INPP4B: variants seen among roughly 807,000 people sequenced by gnomAD.
INPP4B encodes inositol polyphosphate 4-phosphatase type II.
A neutral mutation model predicts 122.5 loss-of-function variants in INPP4B; 55 were observed. That is an observed-to-expected ratio of 0.45 (90% CI 0.36 to 0.56). The LOEUF (loss-of-function observed/expected upper bound fraction) is 0.56, where lower values mean the gene tolerates loss of function less well. INPP4B is among the 20% of genes least tolerant of loss of function. INPP4B has a pLI of 0.00. For missense variants in INPP4B, 1,000 were observed against 1,097.7 expected (o/e 0.91, Z 1.26); for synonymous variants, 403 against 388.7 (o/e 1.04, Z -0.43).
chr4:142,496,472 T>G (rs2149801640), intron 2 of INPP4B, among the ~76,000 whole-genome samples: 1 of 152,306 alleles, frequency 6.6e-6, no homozygotes, highest in South Asian at 2.1e-4. Flanking sequence ...CACATATTTT[T>G]ATCTTTAGTA....
At chr4:142,395,377 G>C (rs2029410) in intron 7 of INPP4B, among the ~76,000 whole-genome samples, 148,737 of 152,308 alleles carry the variant, frequency 0.98, 72,736 homozygotes, top group Middle Eastern at 1. Flanking sequence ...ACTGTTACCC[G>C]CATTCTAACA....
At chr4:142,046,233 G>A (rs1431560507) in intron 25 of INPP4B, among the ~76,000 whole-genome samples, 3 of 152,082 alleles carry the variant, frequency 2.0e-5, no homozygotes, top group African/African-American at 7.2e-5. Flanking sequence ...TAAGGAACAA[G>A]TTTGACAAGA....
intron 7 of INPP4B, among the ~76,000 whole-genome samples, chr4:142,396,963 T>C (rs1799572816): frequency 6.6e-6 from 1 of 152,156 alleles, no homozygotes; most frequent in Non-Finnish European, 1.5e-5. Flanking sequence ...GAAGGGAACT[T>C]TCTAGAAAAA....
chr4:142,291,884 A>G lies in INPP4B; in HGVS notation c.503+13574T>C, dbSNP rs184960205. On this transcript the variant is annotated intron_variant, in intron 9 of 25. Transcript: ENST00000262992. ...TGACTAGCATTTTTGGACTCAAATAATTTAAAGGCATTACAAAGACAATCT... is the reference window on the plus strand; with the variant it reads ...TGACTAGCATTTTTGGACTCAAATAGTTTAAAGGCATTACAAAGACAATCT... Among the ~76,000 whole-genome samples, 182 of 152,342 alleles carry G rather than the reference A, an allele frequency of 1.2e-3. 4 individuals carry two copies. The highest frequency in any genetic ancestry group is 4.4e-4 in the Non-Finnish European group (30 of 68,028).
In INPP4B at chr4:142,028,862, C is replaced by T. The variant is rs1354348566; in HGVS notation, c.2695G>A (p.Ala899Thr). The change falls in exon 26 of 26, where the codon GCT (alanine) becomes ACT (threonine). Residue 899 changes from alanine (A) to threonine (T), a missense_variant. Ala to Thr is a moderately conservative substitution (Grantham distance 58). Transcript: ENST00000262992. The part of the protein sequence containing the change: ...VLKNIKCRKY[A>T]FNMLQLMAFP... ...GCCATCAGCTGTAGCATGTTGAAAG[C>T]ATACTTTCTGCATTTGATATTCTTC... The T allele has an allele frequency of 6.8e-6, 11 of 1,613,418 alleles. No homozygotes were observed. Among genetic ancestry groups the T allele is most frequent in the African/African-American group, 1.3e-5 (1 of 74,902 alleles).
intron 11 of INPP4B, 139 bp downstream of exon 11, chr4:142,260,347 CCGCATT>C (rs1489962354): frequency 2.8e-5 from 18 of 654,190 alleles, no homozygotes; most frequent in Non-Finnish European, 5.0e-5. Flanking sequence ...TACAATCTCC[CCGCATT>C]CTGCTGGCCC....
intron 16 of INPP4B, among the ~76,000 whole-genome samples, chr4:142,163,191 TGAAAAAAAAGAA>T (rs1820981174): frequency 6.6e-6 from 1 of 151,542 alleles, no homozygotes; most frequent in African/African-American, 2.4e-5. Flanking sequence ...AAATATTAAG[TGAAAAAAAAGAA>T]GAAAGAAAAA....
chr4:142,702,256 T>C (rs775329312), intron 2 of INPP4B, among the ~76,000 whole-genome samples: 2 of 152,160 alleles, frequency 1.3e-5, no homozygotes, highest in African/African-American at 4.8e-5. Context: ...AGACTCCATA[T>C]AGGCACTGGG....
intron 7 of INPP4B, among the ~76,000 whole-genome samples, chr4:142,351,944 C>T (rs996445855): frequency 6.6e-6 from 1 of 151,924 alleles, no homozygotes; most frequent in Non-Finnish European, 1.5e-5. Flanking sequence ...ACTGAAAAAG[C>T]AAAAGCAAAA....
chr4:142,138,910 A>G (rs1806192437), intron 18 of INPP4B, among the ~76,000 whole-genome samples: 2 of 152,216 alleles, frequency 1.3e-5, no homozygotes, highest in South Asian at 4.1e-4. Context: ...AGTAATCCTC[A>G]TGCCTCAAGG....
chr4:142,794,462 C>G (rs1776964405), intron 1 of INPP4B, among the ~76,000 whole-genome samples: 1 of 151,872 alleles, frequency 6.6e-6, no homozygotes, highest in Admixed American at 6.6e-5. Flanking sequence ...TCCCTACTTA[C>G]ACCATACACA....
At chr4:142,614,452 C>T (rs1159490735) in intron 2 of INPP4B, among the ~76,000 whole-genome samples, 1 of 151,964 alleles carries the variant, frequency 6.6e-6, no homozygotes, top group Non-Finnish European at 1.5e-5. Flanking sequence ...GGAAGAAAAC[C>T]TAGGAAAAAC....
At chr4:142,278,231 T>C (rs186731594) in intron 9 of INPP4B, among the ~76,000 whole-genome samples, 88 of 151,962 alleles carry the variant, frequency 5.8e-4, no homozygotes, top group African/African-American at 2.1e-3. Flanking sequence ...CCATGCATAT[T>C]GGGGAAGGAG....
intron 1 of INPP4B, among the ~76,000 whole-genome samples, chr4:142,824,458 G>T (rs2151163356): frequency 6.6e-6 from 1 of 152,154 alleles, no homozygotes; most frequent in East Asian, 1.9e-4. Context: ...AACAGGCCAA[G>T]AGTAGTTGTT....
chr4:142,455,498 T>C (rs1034714024), intron 3 of INPP4B, among the ~76,000 whole-genome samples: 1 of 152,026 alleles, frequency 6.6e-6, no homozygotes, highest in East Asian at 1.9e-4. Context: ...GATCTCATTC[T>C]TTTTTTATGG....
At chr4:142,759,825 TAAAAAAAA>T (rs70949188) in intron 1 of INPP4B, among the ~76,000 whole-genome samples, 31 of 70,072 alleles carry the variant, frequency 4.4e-4, no homozygotes, top group African/African-American at 1.7e-3. Flanking sequence ...GAGCTTTTTC[TAAAAAAAA>T]AAAAAAAAAA....
chr4:142,325,442 C>T (rs1771961101), intron 7 of INPP4B, among the ~76,000 whole-genome samples: 1 of 152,202 alleles, frequency 6.6e-6, no homozygotes, highest in Non-Finnish European at 1.5e-5. Context: ...AGCCTAAACA[C>T]AATCCCAATT....
intron 3 of INPP4B, among the ~76,000 whole-genome samples, chr4:142,448,929 T>G (rs2149492491): frequency 6.6e-6 from 1 of 152,342 alleles, no homozygotes; most frequent in East Asian, 1.9e-4. Context: ...GCATGCTGGC[T>G]TCTCACGGAG....
At chr4:142,323,538 C>T (rs781627721) in intron 7 of INPP4B, among the ~76,000 whole-genome samples, 40 of 149,336 alleles carry the variant, frequency 2.7e-4, no homozygotes, top group Non-Finnish European at 1.2e-4. Context: ...CTCTGCCTCT[C>T]GGTTTCACAC....
Sources: gnomAD v4.1 joint callset for allele counts (sites outside exome capture counted in the v4.1 genomes callset) on GRCh38, gnomAD v4.1.1 for gene constraint, MANE v1.5 for transcripts, NCBI Gene and HGNC (gene_info 2026-07-23, HGNC 2026-07-21) for gene names.